FLT3: variants seen among roughly 807,000 people sequenced by gnomAD.
The protein encoded by FLT3 is fms related receptor tyrosine kinase 3.
In FLT3, 46 loss-of-function variants were observed where a neutral mutation model predicts 126.6. The ratio of observed to expected loss-of-function variants is 0.36; its 90% CI spans 0.29 to 0.46. The LOEUF is 0.46. Ranked by LOEUF, FLT3 falls within the 20% of genes least tolerant of loss-of-function variation. FLT3 has a pLI of 1.00. For missense variants in FLT3, 1,069 were observed against 1,190.3 expected (o/e 0.90, Z 1.50); for synonymous variants, 404 against 434.4 (o/e 0.93, Z 0.87).
At chr13:28,011,793 CT>C (rs1327337083) in intron 23 of FLT3, among the ~76,000 whole-genome samples, 10 of 126,494 alleles carry the variant, frequency 7.9e-5, no homozygotes, top group African/African-American at 3.0e-4. Flanking sequence ...CTTTCTTTCT[CT>C]TTTTCTTTCT....
intron 15 of FLT3, among the ~76,000 whole-genome samples, chr13:28,028,557 C>T (rs1466922327): frequency 4.6e-5 from 7 of 151,874 alleles, no homozygotes; most frequent in Non-Finnish European, 1.0e-4. Context: ...ATTAGCCAGG[C>T]GTGGTGGCAG....
chr13:28,089,038 G>T (rs1878865018), intron 1 of FLT3, among the ~76,000 whole-genome samples: 1 of 152,160 alleles, frequency 6.6e-6, no homozygotes. Context: ...ATGGGCAAAA[G>T]ATTTTGGGAG....
intron 1 of FLT3, among the ~76,000 whole-genome samples, chr13:28,073,951 A>AG (rs200423204): frequency 0.15 from 21,830 of 150,034 alleles, 1,938 homozygotes; most frequent in Middle Eastern, 0.25. Flanking sequence ...AAAAAAAAAA[A>AG]AAAAAGAAAA....
Position 28,045,863 on chromosome 13 carries a change from A to AG in FLT3, c.1205+2411_1205+2412insC, listed in dbSNP as rs1310507676. On this transcript the variant is annotated intron_variant, in intron 9 of 23. Coordinates refer to ENST00000241453, the MANE Select transcript of FLT3 (RefSeq NM_004119.3). ...GAATAAGACTCTGTCTCAAAAAAAA[A>AG]AAAAAAGCTTGATATTTCTGAATAA... Among the ~76,000 whole-genome samples, 4 of 151,726 alleles carry AG rather than the reference A, an allele frequency of 2.6e-5. No individual in the cohort carries two copies. In the East Asian group the frequency reaches 7.7e-4, roughly 29 times the overall value.
At chr13:28,066,472 A>G (rs1877047609) in intron 2 of FLT3, among the ~76,000 whole-genome samples, 1 of 152,228 alleles carries the variant, frequency 6.6e-6, no homozygotes, top group African/African-American at 2.4e-5. Flanking sequence ...ACTATCTGGT[A>G]GTGTGTCAAA....
At chr13:28,041,381 A>G (rs1376157502) in intron 9 of FLT3, among the ~76,000 whole-genome samples, 1 of 152,212 alleles carries the variant, frequency 6.6e-6, no homozygotes, top group African/African-American at 2.4e-5. Flanking sequence ...AATTCAGTGG[A>G]AAAAGAAATG....
At chr13:28,096,323 C>A (rs1178583611) in intron 1 of FLT3, among the ~76,000 whole-genome samples, 1 of 152,070 alleles carries the variant, frequency 6.6e-6, no homozygotes, top group East Asian at 1.9e-4. Flanking sequence ...CACTGCACTC[C>A]AGCCTGGGTG....
chr13:28,029,162 G>A (rs906691257), intron 15 of FLT3, among the ~76,000 whole-genome samples: 5 of 152,152 alleles, frequency 3.3e-5, no homozygotes, highest in African/African-American at 9.6e-5. Context: ...AGGCCAAGGC[G>A]GGTGGATCAC....
chr13:28,028,763 CTTTTTT>C (rs56181669), intron 15 of FLT3, among the ~76,000 whole-genome samples: 21 of 140,076 alleles, frequency 1.5e-4, no homozygotes, highest in African/African-American at 5.5e-4. Flanking sequence ...TCTCCTTTTT[CTTTTTT>C]TTTTTTCCTT....
Position 28,035,586 on chromosome 13 carries a change from G to T in FLT3, c.1506C>A (p.Asn502Lys). 6.2e-7 allele frequency: 1 copy of T among 1,614,118 alleles called. No homozygotes were observed. ...GGAACCCTTTTATGGCTTCACTCATGTTTAGAGTACTGCTCGACACCCACT... is the reference window on the plus strand; with the variant it reads ...GGAACCCTTTTATGGCTTCACTCATTTTTAGAGTACTGCTCGACACCCACT... ...FGQWVSSSTL[N>K]MSEAIKGFLV... The change falls in exon 12 of 24, where the codon AAC becomes AAA. Residue 502 changes from asparagine (N) to lysine (K), a missense_variant. By Grantham distance (94) the Asn-to-Lys change is moderately conservative (BLOSUM62 0). Transcript: ENST00000241453.
intron 1 of FLT3, among the ~76,000 whole-genome samples, chr13:28,086,446 C>T (rs1878677374): frequency 1.3e-5 from 2 of 152,066 alleles, no homozygotes; most frequent in Non-Finnish European, 2.9e-5. Flanking sequence ...ATAAACCCCA[C>T]AAGACATTAT....
At chr13:28,010,835 C>T (rs1871290465) in intron 23 of FLT3, among the ~76,000 whole-genome samples, 1 of 152,130 alleles carries the variant, frequency 6.6e-6, no homozygotes, top group South Asian at 2.1e-4. Context: ...GGTAAAACCC[C>T]GTCTCTACTA....
At chr13:28,045,045 C>A (rs753413149) in intron 9 of FLT3, among the ~76,000 whole-genome samples, 1 of 152,118 alleles carries the variant, frequency 6.6e-6, no homozygotes, top group Non-Finnish European at 1.5e-5. Context: ...AGGTACAAAA[C>A]GCTATAGGAG....
Position 28,046,164 on chromosome 13 carries a change from T to C in FLT3, c.1205+2111A>G, listed in dbSNP as rs535816922. ...TTGACAAACCCTGAGTTTGGGGGAG[T>C]GTGTTTCAGTCAGCTCCCAGACCAG... On this transcript the variant is annotated intron_variant, in intron 9 of 23. Transcript: ENST00000241453. 1.8e-4 allele frequency among the ~76,000 whole-genome samples: 28 copies of C among 151,806 alleles called. 1 individual carries two copies. The South Asian group carries it at 5.6e-3, about 31-fold the overall frequency.
chr13:28,100,330 G>T lies in FLT3; in HGVS notation c.43+138C>A. The stretch of plus-strand genomic sequence containing the variant: ...TCCGGAGGGCGCGAAAGAGGGGAGG[G>T]GCGCGGGAGGCAATGGAAGGAGCGA... On this transcript the variant is annotated intron_variant, in intron 1 of 23. Coordinates refer to ENST00000241453, the MANE Select transcript of FLT3 (RefSeq NM_004119.3). This position sits in a 1 kb window ranked among gnomAD's most constrained non-coding sequence, Gnocchi z 4.8. The T allele has an allele frequency of 3.9e-6, 2 of 519,406 alleles. No homozygotes were observed. Among genetic ancestry groups the T allele is most frequent in the South Asian group, 9.4e-5 (1 of 10,618 alleles). The allele number at this position is 519,406 out of a possible 1,614,324, so 32.2% of individuals were successfully genotyped here.
intron 2 of FLT3, 108 bp from the exon 3 acceptor site, chr13:28,062,177 C>CA (rs1876633039): frequency 1.4e-6 from 1 of 738,592 alleles, no homozygotes; most frequent in Non-Finnish European, 2.3e-6. Context: ...ACACTGCACG[C>CA]AACACCCACA....
chr13:28,036,555 G>C (rs1873854695), intron 10 of FLT3, among the ~76,000 whole-genome samples: 1 of 152,174 alleles, frequency 6.6e-6, no homozygotes, highest in Non-Finnish European at 1.5e-5. Flanking sequence ...AAATAAATGA[G>C]AGATAAAATG....
chr13:28,037,037 T>C (rs1873896199), intron 10 of FLT3, 148 bp downstream of exon 10: 3 of 606,036 alleles, frequency 5.0e-6, no homozygotes, highest in South Asian at 2.1e-5. Flanking sequence ...TGCCAGTAGA[T>C]ATGAGAGTAA....
intron 1 of FLT3, among the ~76,000 whole-genome samples, chr13:28,079,822 T>C (rs1033295327): frequency 6.6e-6 from 1 of 152,076 alleles, no homozygotes; most frequent in African/African-American, 2.4e-5. Context: ...TTCTGGGAGA[T>C]ACAATTCAAG....
Sources: allele counts gnomAD v4.1 joint callset (sites outside exome capture counted in the v4.1 genomes callset), GRCh38; gene constraint gnomAD v4.1.1; non-coding constraint Gnocchi (gnomAD v3.1); transcripts MANE v1.5; gene names NCBI Gene and HGNC (gene_info 2026-07-23, HGNC 2026-07-21).